ACSBG2: variants seen among roughly 807,000 people sequenced by gnomAD.
ACSBG2 encodes acyl-CoA synthetase bubblegum family member 2, also known as long-chain-fatty-acid--CoA ligase ACSBG2.
ACSBG2 carries 62 observed loss-of-function variants against 74.7 expected under a neutral mutation model. That is an observed-to-expected ratio of 0.83 (90% confidence interval 0.68 to 1.03). The LOEUF (loss-of-function observed/expected upper bound fraction) is 1.03, where lower values mean the gene tolerates loss of function less well. Among genes scored for constraint, ACSBG2 ranks in the 50% least tolerant of loss-of-function variants. The pLI is 0.00. For missense variants in ACSBG2, 730 were observed against 817.6 expected (o/e 0.89, Z 1.31); for synonymous variants, 309 against 294.1 (o/e 1.05, Z -0.52).
At chr19:6,160,156 T>C (rs911446769) in intron 5 of ACSBG2, among the ~76,000 whole-genome samples, 8 of 151,942 alleles carry the variant, frequency 5.3e-5, no homozygotes, top group African/African-American at 1.9e-4. Context: ...TTTGGGAGGC[T>C]GAGGTGGGCG....
At chr19:6,173,194 GC>G (rs999664972) in intron 7 of ACSBG2, among the ~76,000 whole-genome samples, 1 of 152,090 alleles carries the variant, frequency 6.6e-6, no homozygotes, top group Non-Finnish European at 1.5e-5. Flanking sequence ...GGATCCTGCG[GC>G]CCCCCAGAGG....
rs1000339005 is a variant in ACSBG2, at chr19:6,176,196, T to C, written c.739-1033T>C. On this transcript the variant is annotated intron_variant, in intron 7 of 14. Transcript: ENST00000588485. ...CTAGGGCTTTACCCAAAAAAATCTG[T>C]CGAATGATTAACAACCATCTACTCA... 6 of 881,616 alleles carry C rather than the reference T, an allele frequency of 6.8e-6. No homozygotes were observed. The Admixed American group carries it at 2.3e-4, about 34-fold the overall frequency. The allele number at this position is 881,616 out of a possible 1,614,324, so 54.6% of individuals were successfully genotyped here.
intron 1 of ACSBG2, chr19:6,137,365 C>T (rs2088619803): frequency 6.6e-6 from 1 of 152,252 alleles, no homozygotes; most frequent in African/African-American, 2.4e-5. Context: ...GAAGAGAGTT[C>T]CAGGCAGAGG....
intron 3 of ACSBG2, among the ~76,000 whole-genome samples, chr19:6,149,792 G>A (rs2089169563): frequency 6.9e-6 from 1 of 144,174 alleles, no homozygotes; most frequent in African/African-American, 2.8e-5. Context: ...ACAGGTGTGA[G>A]CCACCACACC....
In ACSBG2 at chr19:6,156,432, G is replaced by A; in HGVS notation, c.388G>A (p.Gly130Ser). ...CACGAATTTGTTTTCTTTTCCCAGG[G>A]GTCTTTGTGTTGGTATTTATGCCAC... is the stretch of plus-strand genomic sequence containing the variant. Reference protein sequence around the residue: ...ITAVGAILAGGLCVGIYATNS... With the variant: ...ITAVGAILAGSLCVGIYATNS... The change falls in exon 5 of 15, where the codon GGT (glycine) becomes AGT (serine). Residue 130 changes from glycine to serine, a missense_variant and splice_region_variant. By Grantham distance (56) the Gly-to-Ser change is moderately conservative. Transcript: ENST00000588485. 6.3e-7 allele frequency: 1 copy of A among 1,589,460 alleles called. No individual in the cohort carries two copies. Among genetic ancestry groups the A allele is most frequent in the Non-Finnish European group, 8.5e-7 (1 of 1,170,232 alleles).
intron 4 of ACSBG2, among the ~76,000 whole-genome samples, chr19:6,153,878 G>GGAC (rs56383814): frequency 4.9e-5 from 1 of 20,254 alleles, no homozygotes. Flanking sequence ...GAAAAGAAAA[G>GGAC]AAAAGGAAAA....
chr19:6,187,162 A>C lies in ACSBG2; in HGVS notation c.1541-121A>C. 6 of 1,378,440 alleles carry C rather than the reference A, an allele frequency of 4.4e-6. No homozygotes were observed. In the South Asian group the frequency reaches 8.2e-5, roughly 19 times the overall value. The allele number at this position is 1,378,440 out of a possible 1,614,324, so 85.4% of individuals were successfully genotyped here. A position where few individuals can be genotyped will look rare whatever the true frequency, so the allele number is the denominator to read the frequency against. On this transcript the variant is annotated intron_variant, in intron 11 of 14. Coordinates refer to ENST00000588485, the MANE Select transcript of ACSBG2 (RefSeq NM_030924.5). ...TGGGATTACAGGTGCACACCACCAA[A>C]CCTGGCTAATTTTTGTATATTTAGT...
At position 6,187,207 on chromosome 19, in the gene ACSBG2, G is replaced by A. The variant is rs2090432383; in HGVS notation, c.1541-76G>A. 3 of 1,592,166 alleles carry A rather than the reference G, an allele frequency of 1.9e-6. No homozygotes were observed. The Admixed American group carries it at 5.2e-5, about 27-fold the overall frequency. ...TTTAGTAGAGACGGGGTTTCACCAT[G>A]TTGGCCAGGCTGGTCTCAAACTGGG... On this transcript the variant is annotated intron_variant, in intron 11 of 14. Transcript: ENST00000588485.
chr19:6,182,375 T>C (rs920980462), intron 8 of ACSBG2, among the ~76,000 whole-genome samples: 2 of 152,190 alleles, frequency 1.3e-5, no homozygotes, highest in Non-Finnish European at 2.9e-5. Flanking sequence ...TGTAAGCTGT[T>C]TCCATTCTGT....
At chr19:6,159,984 G>C (rs2089551576) in intron 5 of ACSBG2, among the ~76,000 whole-genome samples, 1 of 152,180 alleles carries the variant, frequency 6.6e-6, no homozygotes, top group Non-Finnish European at 1.5e-5. Flanking sequence ...ATGCATGCCA[G>C]AGGCGTGGTT....
At chr19:6,147,170 T>C (rs1433065830) in intron 2 of ACSBG2, among the ~76,000 whole-genome samples, 3 of 152,046 alleles carry the variant, frequency 2.0e-5, no homozygotes, top group African/African-American at 7.3e-5. Flanking sequence ...TGATAAAATA[T>C]GGTAAAACGC....
chr19:6,185,517 T>C lies in ACSBG2; in HGVS notation c.1404T>C (p.Gly468=). Residue 468 remains glycine (G), a synonymous_variant, in exon 11 of 15, where the codon GGT becomes GGC. Coordinates refer to ENST00000588485, the MANE Select transcript of ACSBG2 (RefSeq NM_030924.5). ...GCATTGGGGAGATCTGCCTCTGGGG[T>C]AGGCACATCTTCATGGGCTATCTGG... The part of the protein sequence containing the change: ...KDGIGEICLW[G]RHIFMGYLES... The C allele has an allele frequency of 6.2e-7, 1 of 1,614,104 alleles. No homozygotes were observed. The highest frequency in any genetic ancestry group is 8.5e-7 in the Non-Finnish European group (1 of 1,179,988).
At position 6,187,856 on chromosome 19, in the gene ACSBG2, A is replaced by G; in HGVS notation, c.1927+11A>G. ...ATGGTGGAGAGCTAGGTGAGTGGCC[A>G]TGACATTTGGAGGCTGGTCCCTTGT... is the stretch of plus-strand genomic sequence containing the variant. On this transcript the variant is annotated intron_variant, in intron 13 of 14. Transcript: ENST00000588485. 1.2e-6 allele frequency: 2 copies of G among 1,612,788 alleles called. No homozygotes were observed. Among genetic ancestry groups the G allele is most frequent in the Non-Finnish European group, 1.7e-6 (2 of 1,179,282 alleles).
chr19:6,150,104 A>G (rs2042235821), intron 3 of ACSBG2, among the ~76,000 whole-genome samples: 1 of 150,574 alleles, frequency 6.6e-6, no homozygotes, highest in African/African-American at 2.4e-5. Context: ...AAATAATAAT[A>G]ATAAAATAAA....
chr19:6,157,237 C>T (rs940871832), intron 5 of ACSBG2, among the ~76,000 whole-genome samples: 12 of 152,094 alleles, frequency 7.9e-5, no homozygotes, highest in African/African-American at 1.7e-4. Flanking sequence ...CGTGAGCCAC[C>T]GCCCCGAGCC....
chr19:6,149,876 T>C (rs1377070742), intron 3 of ACSBG2, among the ~76,000 whole-genome samples: 1 of 144,170 alleles, frequency 6.9e-6, no homozygotes, highest in Non-Finnish European at 1.5e-5. Context: ...ACACCTGGCC[T>C]CAAGAGATCC....
intron 7 of ACSBG2, 121 bp from the exon 8 acceptor site, chr19:6,177,108 C>A (rs992113502): frequency 7.5e-6 from 8 of 1,069,198 alleles, no homozygotes; most frequent in Non-Finnish European, 1.1e-5. Flanking sequence ...CTGCAGTGAG[C>A]TGTGATCACA....
chr19:6,166,280 T>TGTGTGTTTGTGTGTGTGTG lies in ACSBG2; in HGVS notation c.738+265_738+266insGTGTGTTTGTGTGTGTGTG, dbSNP rs2089799967. ...GATTCCTCTGTGTGAGTCAGGAAGG[T>TGTGTGTTTGTGTGTGTGTG]TGTGTGTGTGTGTGTGTGTGTGTGT... On this transcript the variant is annotated intron_variant, in intron 7 of 14. Coordinates refer to ENST00000588485, the MANE Select transcript of ACSBG2 (RefSeq NM_030924.5). 2.8e-3 allele frequency among the ~76,000 whole-genome samples: 331 copies of TGTGTGTTTGTGTGTGTGTG among 119,140 alleles called. 5 individuals are homozygous for TGTGTGTTTGTGTGTGTGTG. Among genetic ancestry groups the TGTGTGTTTGTGTGTGTGTG allele is most frequent in the African/African-American group, 0.011 (298 of 26,568 alleles). 78.2% of individuals were successfully genotyped at this position (119,140 alleles called of 152,430 possible).
chr19:6,190,790 AACACACACATACACACATACAT>A (rs2090539211), intron 14 of ACSBG2, 98 bp downstream of exon 14: 2 of 557,794 alleles, frequency 3.6e-6, no homozygotes, highest in Non-Finnish European at 6.5e-6. Context: ...AACTGCAGAA[AACACACACATACACACATACAT>A]ACACACACAC....
Sources: allele counts gnomAD v4.1 joint callset (sites outside exome capture counted in the v4.1 genomes callset), GRCh38; gene constraint gnomAD v4.1.1; transcripts MANE v1.5; gene names NCBI Gene and HGNC (gene_info 2026-07-23, HGNC 2026-07-21).